The following TENM3 variants were observed in gnomAD, a reference collection of about 807,000 sequenced individuals.
TENM3 encodes teneurin transmembrane protein 3.
In TENM3, 63 loss-of-function variants were observed where a neutral mutation model predicts 255.1. The observed-to-expected ratio is 0.25, with a 90% confidence interval of 0.20 to 0.30. TENM3 has a LOEUF of 0.30. TENM3 is among the 10% of genes least tolerant of loss of function. The pLI is 1.00. For missense variants in TENM3, 2,929 were observed against 3,461.1 expected, an observed-to-expected ratio of 0.85 and a Z score of 3.86; for synonymous variants, 1,306 against 1,322.3, an observed-to-expected ratio of 0.99 and a Z score of 0.27.
At chr4:182,713,367 G>A (rs561731719) in intron 12 of TENM3, among the ~76,000 whole-genome samples, 27 of 152,150 alleles carry the variant, frequency 1.8e-4, no homozygotes, top group Non-Finnish European at 3.4e-4. Context: ...AAATCCTGTC[G>A]GTCCTGTCCC....
chr4:181,605,483 A>G, the TENM3 span, among the ~76,000 whole-genome samples: 1 of 7,016 alleles, frequency 1.4e-4, no homozygotes, highest in South Asian at 6.0e-3. Context: ...AGAAACAGAG[A>G]AAGAAAGAAA....
At chr4:181,682,551 G>A in the TENM3 span, among the ~76,000 whole-genome samples, 1 of 152,092 alleles carries the variant, frequency 6.6e-6, no homozygotes, top group Admixed American at 6.6e-5. Context: ...ATGTGGTTTT[G>A]GGTTTGACTC....
chr4:181,984,711 A>G, the TENM3 span, among the ~76,000 whole-genome samples: 3 of 151,914 alleles, frequency 2.0e-5, no homozygotes, highest in South Asian at 2.1e-4. Flanking sequence ...TGTGACATTA[A>G]TGTACTAAGC....
At chr4:182,658,581 ACTCCACGTGT>A (rs1297327158) in intron 6 of TENM3, among the ~76,000 whole-genome samples, 1 of 152,006 alleles carries the variant, frequency 6.6e-6, no homozygotes, top group Non-Finnish European at 1.5e-5. Context: ...TGCATCTTAA[ACTCCACGTGT>A]CTAAAACAGA....
At chr4:182,611,611 C>G (rs1037394200) in intron 4 of TENM3, among the ~76,000 whole-genome samples, 1 of 151,970 alleles carries the variant, frequency 6.6e-6, no homozygotes, top group Non-Finnish European at 1.5e-5. Context: ...GTTAGCAGAC[C>G]TTTAAGCAGT....
chr4:182,241,882 G>A (rs567770188), upstream of TENM3, among the ~76,000 whole-genome samples: 208 of 152,054 alleles, frequency 1.4e-3, no homozygotes, highest in Non-Finnish European at 2.2e-3. Context: ...CTTCTCCACT[G>A]AAATGACTCT....
the TENM3 span, among the ~76,000 whole-genome samples, chr4:181,884,516 T>G: frequency 9.2e-5 from 14 of 152,170 alleles, no homozygotes; most frequent in Non-Finnish European, 7.4e-5. Flanking sequence ...CTCTATGAAT[T>G]TCTCTATTCT....
chr4:182,313,667 GA>G (rs11353495), intron 1 of TENM3, among the ~76,000 whole-genome samples: 45,453 of 150,702 alleles, frequency 0.3, 7,097 homozygotes, highest in Middle Eastern at 0.38. Context: ...TATTTTAAAT[GA>G]AAAAAAAACA....
At chr4:182,363,429 A>G (rs1233302383) in intron 3 of TENM3, among the ~76,000 whole-genome samples, 2 of 151,856 alleles carry the variant, frequency 1.3e-5, no homozygotes, top group East Asian at 3.8e-4. Context: ...ATATATACAT[A>G]TATATGCATG....
chr4:182,379,926 A>C (rs4862050), intron 3 of TENM3, among the ~76,000 whole-genome samples: 150,348 of 152,220 alleles, frequency 0.99, 74,268 homozygotes, highest in Middle Eastern at 1. Flanking sequence ...CTTGGTGTAC[A>C]TTAGTACACA....
chr4:182,587,157 C>T (rs1341491676), intron 3 of TENM3, among the ~76,000 whole-genome samples: 1 of 151,920 alleles, frequency 6.6e-6, no homozygotes, highest in Non-Finnish European at 1.5e-5. Flanking sequence ...GTGGCATGAT[C>T]ATGGCTCACC....
At chr4:182,489,861 TTCC>T (rs201299293) in intron 3 of TENM3, among the ~76,000 whole-genome samples, 48,787 of 149,214 alleles carry the variant, frequency 0.33, 8,504 homozygotes, top group Non-Finnish European at 0.39. Context: ...TTTTCTTCCC[TTCC>T]TCCCTTCCTC....
intron 3 of TENM3, among the ~76,000 whole-genome samples, chr4:182,402,337 T>C (rs963815886): frequency 6.6e-6 from 1 of 152,198 alleles, no homozygotes; most frequent in African/African-American, 2.4e-5. Context: ...AAGTGTGAAT[T>C]CCCTCAGTGA....
intron 3 of TENM3, among the ~76,000 whole-genome samples, chr4:182,525,136 C>A (rs1739024303): frequency 6.6e-6 from 1 of 152,190 alleles, no homozygotes. Flanking sequence ...GCCCTAGTGT[C>A]CTTGAGTTTA....
intron 1 of TENM3, among the ~76,000 whole-genome samples, chr4:182,173,466 A>C (rs1201481513): frequency 6.6e-6 from 1 of 152,162 alleles, no homozygotes; most frequent in East Asian, 1.9e-4. Flanking sequence ...TTAAGGACTA[A>C]AATTTGAGTA....
intron 3 of TENM3, among the ~76,000 whole-genome samples, chr4:182,550,881 G>A (rs901873677): frequency 1.3e-5 from 2 of 152,172 alleles, no homozygotes; most frequent in African/African-American, 4.8e-5. Flanking sequence ...GCTAAGCAGT[G>A]CTTTAGGGAG....
chr4:182,755,015 G>A lies in TENM3; in HGVS notation c.4648G>A (p.Asp1550Asn). ...DYLYNFSYSN[D>N]NDITAVTDSN... The stretch of plus-strand genomic sequence containing the variant: ...CCTTTACAATTTTAGCTACAGCAAT[G>A]ACAATGATATTACTGCTGTGACAGA... Residue 1550 changes from aspartate to asparagine, a missense_variant, in exon 22 of 28, where the codon GAC (aspartate) becomes AAC (asparagine). Transcript: ENST00000511685. The A allele has an allele frequency of 6.2e-7, 1 of 1,613,990 alleles. No individual in the cohort carries two copies. The highest frequency in any genetic ancestry group is 8.5e-7 in the Non-Finnish European group (1 of 1,179,872).
At chr4:182,746,104 A>C (rs1420023770) in intron 19 of TENM3, among the ~76,000 whole-genome samples, 1 of 152,218 alleles carries the variant, frequency 6.6e-6, no homozygotes, top group Non-Finnish European at 1.5e-5. Context: ...GAAAAATAAT[A>C]ATATAAGACA....
chr4:181,453,942 A>T, the TENM3 span, among the ~76,000 whole-genome samples: 156 of 152,186 alleles, frequency 1.0e-3, no homozygotes, highest in African/African-American at 3.7e-3. Context: ...TCTAGCTAAC[A>T]ATCATGGGCA....
Sources: gnomAD v4.1 joint callset for allele counts (sites outside exome capture counted in the v4.1 genomes callset) on GRCh38, gnomAD v4.1.1 for gene constraint, MANE v1.5 for transcripts, NCBI Gene and HGNC (gene_info 2026-07-23, HGNC 2026-07-21) for gene names.